ATRNL1: variants seen among roughly 807,000 people sequenced by gnomAD.
The protein encoded by ATRNL1 is attractin like 1.
ATRNL1 carries 95 observed loss-of-function variants against 182.7 expected under a neutral mutation model. That is an observed-to-expected ratio of 0.52 (90% CI 0.44 to 0.62). The LOEUF is 0.62. Ranked by LOEUF, ATRNL1 falls within the 20% of genes least tolerant of loss-of-function variation. ATRNL1 has a pLI of 0.00. For synonymous variants in ATRNL1, 576 were observed against 568.3 expected, an observed-to-expected ratio of 1.01 and a Z score of -0.19; for missense variants, 1,471 against 1,679.5, an observed-to-expected ratio of 0.88 and a Z score of 2.17.
chr10:115,846,638 C>T (rs1284548433), intron 27 of ATRNL1, among the ~76,000 whole-genome samples: 1 of 152,090 alleles, frequency 6.6e-6, no homozygotes, highest in Non-Finnish European at 1.5e-5. Context: ...CATTCCTAGG[C>T]TAAACTGATA....
chr10:115,736,211 T>C (rs1555065558), intron 27 of ATRNL1, among the ~76,000 whole-genome samples: 1 of 152,186 alleles, frequency 6.6e-6, no homozygotes, highest in Non-Finnish European at 1.5e-5. Flanking sequence ...TTTTGTTTTC[T>C]ATCTCCTTCT....
intron 5 of ATRNL1, among the ~76,000 whole-genome samples, chr10:115,156,279 G>C (rs1554882047): frequency 2.0e-5 from 3 of 152,128 alleles, no homozygotes; most frequent in African/African-American, 7.2e-5. Flanking sequence ...GGAGAAAGAG[G>C]CAACTTAAGA....
At chr10:115,889,249 C>T (rs1380396985) in intron 28 of ATRNL1, among the ~76,000 whole-genome samples, 1 of 152,180 alleles carries the variant, frequency 6.6e-6, no homozygotes, top group Non-Finnish European at 1.5e-5. Flanking sequence ...CTATTTGTTT[C>T]AGCTACTTAC....
chr10:115,349,505 C>T (rs891510096), intron 19 of ATRNL1, among the ~76,000 whole-genome samples: 2 of 152,122 alleles, frequency 1.3e-5, no homozygotes, highest in Non-Finnish European at 2.9e-5. Context: ...ATACGTAGTT[C>T]TGTTTGTAGT....
chr10:115,522,048 C>G (rs1554985334), intron 25 of ATRNL1, among the ~76,000 whole-genome samples: 5 of 152,054 alleles, frequency 3.3e-5, no homozygotes, highest in African/African-American at 1.2e-4. Flanking sequence ...GATTTTACCT[C>G]TATATTGTGT....
chr10:115,354,326 ATAAAATCTCTTCAGCATTTTTTTTTG>A (rs1268498395), intron 19 of ATRNL1, among the ~76,000 whole-genome samples: 2 of 152,084 alleles, frequency 1.3e-5, no homozygotes, highest in African/African-American at 4.8e-5. Flanking sequence ...TTTCAGATTG[ATAAAATCTCTTCAGCATTTTTTTTTG>A]TAAAATCTCT....
intron 21 of ATRNL1, among the ~76,000 whole-genome samples, chr10:115,442,123 C>G (rs916663253): frequency 6.6e-6 from 1 of 151,984 alleles, no homozygotes; most frequent in Non-Finnish European, 1.5e-5. Context: ...ATCTCACTAC[C>G]CAGCTTGAGA....
intron 28 of ATRNL1, among the ~76,000 whole-genome samples, chr10:115,851,384 G>A (rs893697063): frequency 8.6e-5 from 13 of 151,830 alleles, no homozygotes; most frequent in Non-Finnish European, 1.3e-4. Context: ...TTAAAAAATA[G>A]CATTATCTTT....
intron 8 of ATRNL1, among the ~76,000 whole-genome samples, chr10:115,202,746 T>G (rs1182425198): frequency 6.8e-6 from 1 of 146,308 alleles, no homozygotes; most frequent in Non-Finnish European, 1.5e-5. Context: ...GCTGGCCTCA[T>G]AAAATGAGTT....
intron 28 of ATRNL1, among the ~76,000 whole-genome samples, chr10:115,885,654 T>A (rs1951927534): frequency 6.6e-6 from 1 of 152,252 alleles, no homozygotes; most frequent in Non-Finnish European, 1.5e-5. Flanking sequence ...TTTCCGTATA[T>A]GCTTTCAGTC....
chr10:115,892,657 T>C (rs1203099365), intron 28 of ATRNL1, among the ~76,000 whole-genome samples: 2 of 152,182 alleles, frequency 1.3e-5, no homozygotes, highest in Admixed American at 6.5e-5. Context: ...AAGCCACCCA[T>C]CTTATTAAGT....
At chr10:115,408,099 G>T (rs1844939647) in intron 20 of ATRNL1, among the ~76,000 whole-genome samples, 1 of 148,756 alleles carries the variant, frequency 6.7e-6, no homozygotes, top group East Asian at 2.0e-4. Flanking sequence ...CGCTTCCCGG[G>T]TTCACGCCAT....
intron 8 of ATRNL1, among the ~76,000 whole-genome samples, chr10:115,172,733 CTT>C (rs1364735968): frequency 6.6e-6 from 1 of 151,822 alleles, no homozygotes; most frequent in Non-Finnish European, 1.5e-5. Flanking sequence ...ATCTCTCACT[CTT>C]TTTTTGTCCA....
intron 4 of ATRNL1, among the ~76,000 whole-genome samples, 195 bp downstream of exon 4, chr10:115,127,916 A>G (rs1240677669): frequency 6.6e-6 from 1 of 152,154 alleles, no homozygotes; most frequent in Non-Finnish European, 1.5e-5. Flanking sequence ...ATCTAAACCT[A>G]TAAGTTTGGT....
intron 8 of ATRNL1, among the ~76,000 whole-genome samples, chr10:115,210,212 A>C (rs1302321497): frequency 6.6e-6 from 1 of 151,984 alleles, no homozygotes; most frequent in Non-Finnish European, 1.5e-5. Flanking sequence ...AATGAAAGTG[A>C]TTCTGTATAC....
chr10:115,386,544 C>A (rs369814058), intron 19 of ATRNL1, among the ~76,000 whole-genome samples: 2 of 152,262 alleles, frequency 1.3e-5, no homozygotes, highest in East Asian at 3.9e-4. Context: ...TTCAGTAAGA[C>A]TGATTAACAA....
intron 3 of ATRNL1, among the ~76,000 whole-genome samples, chr10:115,125,623 G>A (rs934211408): frequency 2.8e-4 from 43 of 152,098 alleles, no homozygotes; most frequent in African/African-American, 1.0e-3. Flanking sequence ...GGGGACACTC[G>A]CAATCCATAT....
chr10:115,776,030 G>A (rs559583612), intron 27 of ATRNL1, among the ~76,000 whole-genome samples: 1 of 151,518 alleles, frequency 6.6e-6, no homozygotes, highest in Non-Finnish European at 1.5e-5. Context: ...AAGCAGCTCT[G>A]TTATACAAGA....
intron 25 of ATRNL1, among the ~76,000 whole-genome samples, chr10:115,524,626 G>A (rs2133718489): frequency 6.6e-6 from 1 of 152,256 alleles, no homozygotes; most frequent in African/African-American, 2.4e-5. Flanking sequence ...GAGATTACCA[G>A]TTGGTCTTTT....
Sources: allele counts gnomAD v4.1 joint callset (sites outside exome capture counted in the v4.1 genomes callset), GRCh38; gene constraint gnomAD v4.1.1; transcripts MANE v1.5; gene names NCBI Gene and HGNC (gene_info 2026-07-23, HGNC 2026-07-21).